NAA35: variants seen among roughly 807,000 people sequenced by gnomAD.
The protein encoded by NAA35 is MAK10 homolog, amino-acid N-acetyltransferase subunit.
NAA35 carries 18 observed loss-of-function variants against 101.7 expected under a neutral mutation model. That is an observed-to-expected ratio of 0.18 (90% CI 0.12 to 0.26). The LOEUF is 0.26. Among genes scored for constraint, NAA35 ranks in the 10% least tolerant of loss-of-function variants. The pLI, the probability that NAA35 is intolerant of heterozygous loss-of-function variation, is 1.00. For missense variants in NAA35, 601 were observed against 886.8 expected, an observed-to-expected ratio of 0.68 and a Z score of 4.09; for synonymous variants, 267 against 273.1, an observed-to-expected ratio of 0.98 and a Z score of 0.22.
chr9:85,987,893 G>A (rs949869653), intron 11 of NAA35, among the ~76,000 whole-genome samples: 2 of 152,220 alleles, frequency 1.3e-5, no homozygotes, highest in Non-Finnish European at 2.9e-5. Flanking sequence ...GATTCTCTTG[G>A]AATAATCACA....
At chr9:85,959,555 ATAT>A (rs1366572999) in intron 4 of NAA35, among the ~76,000 whole-genome samples, 8 of 152,162 alleles carry the variant, frequency 5.3e-5, no homozygotes, top group African/African-American at 1.9e-4. Flanking sequence ...AAGACCTAAG[ATAT>A]ATTGTTTTTA....
At chr9:85,985,216 G>A (rs1489978102) in intron 11 of NAA35, among the ~76,000 whole-genome samples, 1 of 152,152 alleles carries the variant, frequency 6.6e-6, no homozygotes, top group Non-Finnish European at 1.5e-5. Flanking sequence ...AAATGATACA[G>A]CTCTCTTGGA....
intron 13 of NAA35, among the ~76,000 whole-genome samples, chr9:86,006,825 C>A (rs988600459): frequency 6.6e-6 from 1 of 151,820 alleles, no homozygotes; most frequent in Non-Finnish European, 1.5e-5. Context: ...TAAAAACAGT[C>A]TTAGGAAATC....
chr9:86,005,984 A>G (rs1203153848), intron 13 of NAA35, among the ~76,000 whole-genome samples: 1 of 151,864 alleles, frequency 6.6e-6, no homozygotes, highest in Non-Finnish European at 1.5e-5. Context: ...CAGCCTGGCC[A>G]AGATAGTGAA....
chr9:85,969,041 C>T (rs1225804966), intron 6 of NAA35, among the ~76,000 whole-genome samples: 2 of 152,124 alleles, frequency 1.3e-5, no homozygotes, highest in Admixed American at 1.3e-4. Context: ...AAATGCTCCT[C>T]TTGAAGTCTT....
At chr9:86,017,863 AAG>A (rs1214781629) in intron 19 of NAA35, among the ~76,000 whole-genome samples, 2 of 152,186 alleles carry the variant, frequency 1.3e-5, no homozygotes, top group African/African-American at 4.8e-5. Flanking sequence ...TAAGAAAAGG[AAG>A]AGAGTACTTC....
intron 6 of NAA35, among the ~76,000 whole-genome samples, chr9:85,966,968 G>T (rs112851415): frequency 2.0e-5 from 3 of 152,112 alleles, no homozygotes; most frequent in Admixed American, 6.5e-5. Flanking sequence ...TTAGCTAGGC[G>T]TAGTGGCACA....
At chr9:86,008,228 A>G (rs1831735300) in intron 14 of NAA35, among the ~76,000 whole-genome samples, 1 of 152,062 alleles carries the variant, frequency 6.6e-6, no homozygotes, top group South Asian at 2.1e-4. Context: ...ATGCCCAGCT[A>G]ATTTTTGTAT....
intron 8 of NAA35, 80 bp from the exon 9 acceptor site, chr9:85,976,605 A>G: frequency 9.2e-7 from 1 of 1,092,398 alleles, no homozygotes; most frequent in South Asian, 1.6e-5. Flanking sequence ...TATACTTAAA[A>G]AATCAGTGTT....
chr9:85,976,963 A>G (rs1021101885), intron 9 of NAA35, among the ~76,000 whole-genome samples: 1 of 152,152 alleles, frequency 6.6e-6, no homozygotes, highest in Non-Finnish European at 1.5e-5. Context: ...AGGTAGGAAG[A>G]AAAATACGAT....
intron 3 of NAA35, among the ~76,000 whole-genome samples, chr9:85,957,839 G>A (rs1256969181): frequency 6.6e-6 from 1 of 152,138 alleles, no homozygotes; most frequent in East Asian, 1.9e-4. Context: ...ATTTGAGCGT[G>A]TGCCAGAATT....
intron 14 of NAA35, among the ~76,000 whole-genome samples, chr9:86,009,514 G>A (rs1340734488): frequency 1.3e-5 from 2 of 152,264 alleles, no homozygotes; most frequent in Non-Finnish European, 2.9e-5. Flanking sequence ...ATTATTAGGA[G>A]CACAGTCCAT....
chr9:86,018,598 A>G, intron 20 of NAA35, 101 bp from the exon 21 acceptor site: 2 of 1,464,748 alleles, frequency 1.4e-6, no homozygotes, highest in South Asian at 1.3e-5. Flanking sequence ...GTGTCTGTGT[A>G]TGAGTGGATA....
chr9:85,964,375 T>C (rs1347264482), intron 6 of NAA35, among the ~76,000 whole-genome samples: 2 of 152,314 alleles, frequency 1.3e-5, no homozygotes, highest in African/African-American at 4.8e-5. Context: ...GCTGTGACAC[T>C]TTAGTGTGTT....
intron 15 of NAA35, among the ~76,000 whole-genome samples, chr9:86,011,344 A>G (rs1831910097): frequency 6.6e-6 from 1 of 151,914 alleles, no homozygotes; most frequent in South Asian, 2.1e-4. Flanking sequence ...ATTCATTTTT[A>G]TTTAATTTTT....
chr9:86,007,525 C>A, intron 14 of NAA35, 61 bp downstream of exon 14: 1 of 1,220,030 alleles, frequency 8.2e-7, no homozygotes, highest in South Asian at 1.3e-5. Context: ...CCCAACTTCT[C>A]TGTACTCCTT....
At chr9:85,942,970 A>AGG (rs1284926865) in intron 2 of NAA35, among the ~76,000 whole-genome samples, 3 of 151,894 alleles carry the variant, frequency 2.0e-5, no homozygotes, top group African/African-American at 7.3e-5. Flanking sequence ...ATCACTTTTT[A>AGG]TTTTCTTCAT....
chr9:85,975,213 A>C (rs903547666), intron 8 of NAA35, 56 bp downstream of exon 8: 9 of 1,536,684 alleles, frequency 5.9e-6, no homozygotes, highest in Middle Eastern at 3.6e-4. Context: ...ATGTCAGTTT[A>C]ACTTTACCTA....
intron 6 of NAA35, among the ~76,000 whole-genome samples, chr9:85,965,176 T>G (rs1381159313): frequency 3.3e-5 from 5 of 152,220 alleles, no homozygotes. Flanking sequence ...ACTCAGCAGT[T>G]TCACTTCTAG....
Sources: allele counts gnomAD v4.1 joint callset (sites outside exome capture counted in the v4.1 genomes callset), GRCh38; gene constraint gnomAD v4.1.1; transcripts MANE v1.5; gene names NCBI Gene and HGNC (gene_info 2026-07-23, HGNC 2026-07-21).